Variants in BBX observed in about 807,000 individuals in gnomAD.
The protein encoded by BBX is HMG box transcription factor BBX.
Under a neutral mutation model 100.2 loss-of-function variants are expected in BBX, and 30 were observed. That is an observed-to-expected ratio of 0.30 (90% CI 0.22 to 0.41). BBX has a LOEUF of 0.41. Among genes scored for constraint, BBX ranks in the 10% least tolerant of loss-of-function variants. The probability of loss-of-function intolerance (pLI) is 1.00; values close to 1 mark genes in which losing one functional copy is unlikely to be tolerated. For synonymous variants in BBX, 376 were observed against 388.1 expected, an observed-to-expected ratio of 0.97 and a Z score of 0.37; for missense variants, 1,023 against 1,129.8, an observed-to-expected ratio of 0.91 and a Z score of 1.35.
intron 9 of BBX, among the ~76,000 whole-genome samples, chr3:107,748,410 A>G (rs911691120): frequency 6.6e-6 from 1 of 152,226 alleles, no homozygotes; most frequent in African/African-American, 2.4e-5. Context: ...GCTATAATTC[A>G]TGAATGACTC....
At chr3:107,579,428 TAAGC>T (rs2052084344) in intron 2 of BBX, among the ~76,000 whole-genome samples, 2 of 152,212 alleles carry the variant, frequency 1.3e-5, no homozygotes, top group African/African-American at 2.4e-5. Context: ...CCCAGACACT[TAAGC>T]AAACACACAG....
intron 3 of BBX, among the ~76,000 whole-genome samples, chr3:107,705,619 C>A (rs944289596): frequency 2.0e-5 from 3 of 152,126 alleles, no homozygotes; most frequent in African/African-American, 7.2e-5. Context: ...ATCTATGCTC[C>A]CTTTTGAATG....
intron 15 of BBX, among the ~76,000 whole-genome samples, chr3:107,793,318 A>C (rs1410822012): frequency 6.6e-6 from 1 of 152,088 alleles, no homozygotes; most frequent in Non-Finnish European, 1.5e-5. Context: ...GTGATATTTA[A>C]TTATATTTAT....
intron 2 of BBX, among the ~76,000 whole-genome samples, chr3:107,635,957 G>A (rs973695277): frequency 1.3e-5 from 2 of 152,056 alleles, no homozygotes; most frequent in African/African-American, 4.8e-5. Context: ...TGATCCTCCC[G>A]CCTCGGCCTC....
chr3:107,754,495 A>G (rs139269687), intron 9 of BBX, among the ~76,000 whole-genome samples: 284 of 152,302 alleles, frequency 1.9e-3, no homozygotes, highest in African/African-American at 5.9e-3. Flanking sequence ...TCCTTAAGCT[A>G]GGCCCTTTTT....
At chr3:107,605,204 A>T (rs1348927297) in intron 2 of BBX, among the ~76,000 whole-genome samples, 1 of 152,148 alleles carries the variant, frequency 6.6e-6, no homozygotes, top group East Asian at 1.9e-4. Context: ...TGAGCAGGTG[A>T]TTTGTGTACA....
intron 3 of BBX, among the ~76,000 whole-genome samples, chr3:107,700,302 A>G (rs1433693481): frequency 1.3e-5 from 2 of 151,678 alleles, no homozygotes; most frequent in African/African-American, 4.9e-5. Context: ...AGAAAACAGA[A>G]GAAGAAAATA....
chr3:107,636,145 A>G (rs1443528889), intron 2 of BBX, among the ~76,000 whole-genome samples: 3 of 152,152 alleles, frequency 2.0e-5, no homozygotes, highest in Non-Finnish European at 4.4e-5. Context: ...GTACCCATTC[A>G]TCACCCAGCT....
intron 2 of BBX, among the ~76,000 whole-genome samples, chr3:107,612,849 C>G (rs1381692967): frequency 1.3e-5 from 2 of 152,198 alleles, no homozygotes; most frequent in Non-Finnish European, 2.9e-5. Flanking sequence ...TTCCCCCAGG[C>G]CCTGGGTGGG....
At chr3:107,564,934 G>A (rs1213956518) in intron 2 of BBX, among the ~76,000 whole-genome samples, 1 of 152,134 alleles carries the variant, frequency 6.6e-6, no homozygotes, top group East Asian at 1.9e-4. Flanking sequence ...TGTGGGGAAA[G>A]TTATCATAAA....
At chr3:107,699,663 A>G (rs1002608605) in intron 3 of BBX, among the ~76,000 whole-genome samples, 15 of 151,898 alleles carry the variant, frequency 9.9e-5, no homozygotes, top group African/African-American at 3.6e-4. Flanking sequence ...TGAACAGCTG[A>G]TTGCAGTGAT....
intron 2 of BBX, among the ~76,000 whole-genome samples, chr3:107,635,806 G>T (rs1426601090): frequency 2.0e-5 from 3 of 151,130 alleles, no homozygotes; most frequent in Admixed American, 6.6e-5. Context: ...TCCGCCTCCT[G>T]GTTCAAGCGA....
rs754715259 is a variant in BBX, at chr3:107,798,545, C to A, written c.2376C>A (p.Asn792Lys). The change falls in exon 16 of 18, where the codon AAC (asparagine) becomes AAA (lysine). Residue 792 changes from asparagine (N) to lysine (K), a missense_variant. By Grantham distance (94) the Asn-to-Lys change is moderately conservative. This residue lies in a region of BBX where 215 missense variants were observed against 211.3 expected (regional missense o/e 1.02). Transcript: ENST00000325805. ...PTEAIFSEDRNTMEPVHKVKN... is the reference protein window; with the variant it reads ...PTEAIFSEDRKTMEPVHKVKN... ...CAGCCATATTTTCAGAAGACAGAAA[C>A]ACCATGGAGCCTGTTCATAAGGTTA... 9 of 1,613,794 alleles carry A rather than the reference C, an allele frequency of 5.6e-6. No homozygotes were observed. The South Asian group carries it at 7.7e-5, about 14-fold the overall frequency.
intron 2 of BBX, among the ~76,000 whole-genome samples, chr3:107,623,502 GGACA>G (rs765607284): frequency 2.6e-5 from 4 of 152,080 alleles, no homozygotes; most frequent in Non-Finnish European, 4.4e-5. Context: ...ACTTTTCATG[GGACA>G]GACAAAGTGA....
chr3:107,804,673 C>CT (rs1387121259), intron 17 of BBX, among the ~76,000 whole-genome samples: 1 of 152,178 alleles, frequency 6.6e-6, no homozygotes, highest in African/African-American at 2.4e-5. Context: ...GGAGTTCTCC[C>CT]TCCATGTGTA....
chr3:107,755,140 G>A (rs1326777180), intron 9 of BBX, among the ~76,000 whole-genome samples: 1 of 152,128 alleles, frequency 6.6e-6, no homozygotes, highest in Non-Finnish European at 1.5e-5. Context: ...CTGTCATATG[G>A]CCTTGCACAT....
chr3:107,799,827 G>A (rs2070226129), intron 16 of BBX, among the ~76,000 whole-genome samples: 1 of 152,146 alleles, frequency 6.6e-6, no homozygotes, highest in East Asian at 1.9e-4. Context: ...TAGAATGACC[G>A]GAGGAGCCCA....
At chr3:107,781,160 T>C (rs762410832) in intron 13 of BBX, among the ~76,000 whole-genome samples, 9 of 152,084 alleles carry the variant, frequency 5.9e-5, no homozygotes, top group Non-Finnish European at 1.3e-4. Flanking sequence ...CTCAAAGTCA[T>C]AGTACCTGCT....
At chr3:107,789,080 G>C (rs2068718548) in intron 13 of BBX, among the ~76,000 whole-genome samples, 1 of 152,136 alleles carries the variant, frequency 6.6e-6, no homozygotes, top group Non-Finnish European at 1.5e-5. Context: ...CCTGTGGCCA[G>C]AAGGCAGAGC....
Sources: allele counts gnomAD v4.1 joint callset (sites outside exome capture counted in the v4.1 genomes callset), GRCh38; gene constraint gnomAD v4.1.1; regional missense constraint gnomAD v4.1.1; transcripts MANE v1.5; gene names NCBI Gene and HGNC (gene_info 2026-07-23, HGNC 2026-07-21).